Variants in MTCL2 observed in about 807,000 individuals in gnomAD.
MTCL2 encodes the protein microtubule cross-linking factor 2.
chr20:36,801,582 AAAT>A, the MTCL2 span, among the ~76,000 whole-genome samples: 1 of 152,122 alleles, frequency 6.6e-6, no homozygotes, highest in Non-Finnish European at 1.5e-5. Flanking sequence ...CATTAAAAAA[AAAT>A]GACAAGAAAG....
the MTCL2 span, chr20:36,859,930 A>G: frequency 8.1e-7 from 1 of 1,230,654 alleles, no homozygotes; most frequent in Non-Finnish European, 1.0e-6. Context: ...CTGCTCTGGG[A>G]CCCACTCTGG....
chr20:36,863,268 T>C, the MTCL2 span: 5 of 1,192,218 alleles, frequency 4.2e-6, no homozygotes, highest in Non-Finnish European at 5.2e-6. The surrounding 1 kb of genome is among the most constrained non-coding windows in gnomAD (Gnocchi z 6.2). Context: ...CTTTTTCCTC[T>C]CCGGGGCAGG....
chr20:36,787,200 T>C, the MTCL2 span, among the ~76,000 whole-genome samples: 3 of 152,074 alleles, frequency 2.0e-5, no homozygotes, highest in Middle Eastern at 3.4e-3. Flanking sequence ...TAGATAGAAA[T>C]AACTGATTTA....
chr20:36,794,311 C>G, the MTCL2 span: 5,294 of 1,563,240 alleles, frequency 3.4e-3, 157 homozygotes, highest in African/African-American at 0.062. The surrounding 1 kb of genome is among the most constrained non-coding windows in gnomAD (Gnocchi z 5.4). Flanking sequence ...GCCGGGCCAC[C>G]GGGGGACTAT....
At chr20:36,862,878 G>A in the MTCL2 span, 27 of 1,242,150 alleles carry the variant, frequency 2.2e-5, no homozygotes, top group South Asian at 2.7e-5. Context: ...CGGCTGCCCC[G>A]TACGGACCCC....
At chr20:36,843,369 G>C in the MTCL2 span, among the ~76,000 whole-genome samples, 1 of 152,166 alleles carries the variant, frequency 6.6e-6, no homozygotes, top group Non-Finnish European at 1.5e-5. Flanking sequence ...ACAAGCTCGA[G>C]AGGTTTTCCT....
chr20:36,852,986 G>A, the MTCL2 span, among the ~76,000 whole-genome samples: 1 of 151,556 alleles, frequency 6.6e-6, no homozygotes, highest in Non-Finnish European at 1.5e-5. Context: ...GAACCCAGGA[G>A]ACGGAGGTTG....
Sources: gnomAD v4.1 joint callset for allele counts (sites outside exome capture counted in the v4.1 genomes callset) on GRCh38, gnomAD v4.1.1 for gene constraint, Gnocchi (gnomAD v3.1) non-coding constraint, MANE v1.5 for transcripts, NCBI Gene and HGNC (gene_info 2026-07-23, HGNC 2026-07-21) for gene names.